ECE1: variants seen among roughly 807,000 people sequenced by gnomAD.
The protein encoded by ECE1 is endothelin-converting enzyme 1.
ECE1 carries 35 observed loss-of-function variants against 98.6 expected under a neutral mutation model. The ratio of observed to expected loss-of-function variants is 0.35; its 90% CI spans 0.27 to 0.47. The LOEUF (loss-of-function observed/expected upper bound fraction) is 0.47, where lower values mean the gene tolerates loss of function less well. ECE1 is among the 20% of genes least tolerant of loss of function. The pLI, the probability that ECE1 is intolerant of heterozygous loss-of-function variation, is 1.00. For synonymous variants in ECE1, 394 were observed against 407.1 expected (o/e 0.97, Z 0.39); for missense variants, 814 against 1,025.3 (o/e 0.79, Z 2.81).
Position 21,322,907 on chromosome 1 carries a change from G to A in ECE1, c.3+22469C>T, listed in dbSNP as rs1638995268. Among the ~76,000 whole-genome samples the A allele has an allele frequency of 6.6e-6, 1 of 152,180 alleles. No homozygotes were observed. Among genetic ancestry groups the A allele is most frequent in the African/African-American group, 2.4e-5 (1 of 41,448 alleles). ...AAACCCCTCACTGGGGCTTTGGAGG[G>A]AGGGCAGGTCCCAGGGCTCAGGGGT... On this transcript the variant is annotated intron_variant, in intron 1 of 18. Coordinates refer to the ECE1 transcript ENST00000415912. The surrounding 1 kb of genome is among the most constrained non-coding windows in gnomAD (Gnocchi z 4.1).
At position 21,309,160 on chromosome 1, in the gene ECE1, C is replaced by G. The variant is rs1289299282; in HGVS notation, c.4-19004G>C. ...GGTTCCAGAGTTCTAGGGCCACATC[C>G]CAGACACAGGCACTGCAGTCTTGTC... On this transcript the variant is annotated intron_variant, in intron 1 of 18. Transcript: ENST00000415912. Among the ~76,000 whole-genome samples the G allele has an allele frequency of 1.3e-5, 2 of 152,174 alleles. 1 individual carries two copies. Among genetic ancestry groups the G allele is most frequent in the East Asian group, 3.8e-4 (2 of 5,196 alleles).
At chr1:21,344,607 A>G (rs1424292817) in intron 1 of ECE1, among the ~76,000 whole-genome samples, 4 of 151,128 alleles carry the variant, frequency 2.6e-5, no homozygotes, top group Non-Finnish European at 5.9e-5. Context: ...GATCAAATGG[A>G]TTTCTCTTCT....
At chr1:21,246,711 C>T (rs1386779437) in intron 9 of ECE1, among the ~76,000 whole-genome samples, 1 of 152,098 alleles carries the variant, frequency 6.6e-6, no homozygotes, top group Non-Finnish European at 1.5e-5. Flanking sequence ...CGCTGGAGTG[C>T]AACAGTGCAA....
chr1:21,312,229 G>A (rs1297237728), intron 1 of ECE1, among the ~76,000 whole-genome samples: 1 of 151,136 alleles, frequency 6.6e-6, no homozygotes, highest in African/African-American at 2.4e-5. Context: ...CTTGAGCTCA[G>A]GAGTTCAAGA....
upstream of ECE1, chr1:21,294,016 C>T (rs190208776): frequency 1.1e-4 from 17 of 152,628 alleles, no homozygotes; most frequent in African/African-American, 3.8e-4. This position sits in a 1 kb window ranked among gnomAD's most constrained non-coding sequence, Gnocchi z 4.2. Flanking sequence ...GGACCTCCCC[C>T]CAGCCCTGAG....
intron 14 of ECE1, among the ~76,000 whole-genome samples, chr1:21,229,217 T>C (rs1460392232): frequency 6.6e-6 from 1 of 151,992 alleles, no homozygotes; most frequent in Non-Finnish European, 1.5e-5. Context: ...AAGATCTTGT[T>C]GTGACACCCA....
intron 1 of ECE1, among the ~76,000 whole-genome samples, chr1:21,328,592 T>C (rs61781576): frequency 0.072 from 10,935 of 151,952 alleles, 536 homozygotes; most frequent in Middle Eastern, 0.11. Context: ...TGAAACCATG[T>C]CTCTACTAAG....
intron 1 of ECE1, among the ~76,000 whole-genome samples, chr1:21,302,301 C>A (rs1638502604): frequency 6.6e-6 from 1 of 152,194 alleles, no homozygotes; most frequent in Non-Finnish European, 1.5e-5. Context: ...TGCTGTGCAC[C>A]AGGGTGGTGC....
At chr1:21,272,576 G>T in intron 4 of ECE1, 123 bp downstream of exon 4, 1 of 1,197,350 alleles carries the variant, frequency 8.4e-7, no homozygotes, top group Non-Finnish European at 1.2e-6. Flanking sequence ...ACAGGTGTGA[G>T]CCACCGTGCC....
At position 21,220,153 on chromosome 1, in the gene ECE1, A is replaced by C. The variant is rs2098165578; in HGVS notation, c.2137-22T>G. 1 of 1,600,324 alleles carries C rather than the reference A, an allele frequency of 6.2e-7. No individual in the cohort carries two copies. Among genetic ancestry groups the C allele is most frequent in the Non-Finnish European group, 8.5e-7 (1 of 1,171,310 alleles). On this transcript the variant is annotated intron_variant, in intron 18 of 18. Coordinates refer to ENST00000374893, the MANE Select transcript of ECE1 (RefSeq NM_001397.3). This position sits in a 1 kb window ranked among gnomAD's most constrained non-coding sequence, Gnocchi z 5.0. ...AGACCTTTGAAGGGGCAACAGGGAG[A>C]GGCCAGGGTCACTGTGGGGCCCTCG... is the stretch of plus-strand genomic sequence containing the variant.
intron 3 of ECE1, 45 bp downstream of exon 3, chr1:21,279,146 G>T: frequency 6.2e-7 from 1 of 1,613,916 alleles, no homozygotes; most frequent in Non-Finnish European, 8.5e-7. Flanking sequence ...ACGGAGCCGG[G>T]TGCAGGAGTG....
rs570163517 is a variant in ECE1 at position 21,220,594 on chromosome 1, C to T, written c.2137-463G>A. The stretch of plus-strand genomic sequence containing the variant: ...GGTGGATCACTTGAGGCCAGGAGTT[C>T]GAGACCGGCCTGACAAACATGGTGA... On this transcript the variant is annotated intron_variant, in intron 18 of 18. Transcript: ENST00000374893. The surrounding 1 kb of genome is among the most constrained non-coding windows in gnomAD (Gnocchi z 5.0). Among the ~76,000 whole-genome samples the T allele has an allele frequency of 1.4e-4, 21 of 152,166 alleles. No homozygotes were observed. The highest frequency in any genetic ancestry group is 1.9e-4 in the East Asian group (1 of 5,162).
upstream of ECE1, among the ~76,000 whole-genome samples, chr1:21,293,054 T>C (rs213048): frequency 0.41 from 61,805 of 152,112 alleles, 14,962 homozygotes; most frequent in African/African-American, 0.69. Context: ...CCCCGGGGCA[T>C]GTGGGTGGTG....
At chr1:21,265,719 C>T (rs1378486801) in intron 4 of ECE1, among the ~76,000 whole-genome samples, 2 of 152,156 alleles carry the variant, frequency 1.3e-5, no homozygotes, top group East Asian at 3.9e-4. Context: ...GGGGCTGTCA[C>T]TCTGAGTTCA....
chr1:21,334,167 T>A (rs548653956), intron 1 of ECE1, among the ~76,000 whole-genome samples: 3 of 152,124 alleles, frequency 2.0e-5, no homozygotes, highest in Non-Finnish European at 4.4e-5. Flanking sequence ...AAGTCCTGCC[T>A]CTAACCTGCT....
At chr1:21,301,366 C>T (rs569080009) in intron 1 of ECE1, among the ~76,000 whole-genome samples, 3 of 152,158 alleles carry the variant, frequency 2.0e-5, no homozygotes, top group Non-Finnish European at 4.4e-5. Flanking sequence ...AGGTGGCGGG[C>T]GCCTGTAGTC....
chr1:21,318,376 A>G (rs994982767), intron 1 of ECE1, among the ~76,000 whole-genome samples: 1 of 152,034 alleles, frequency 6.6e-6, no homozygotes, highest in Non-Finnish European at 1.5e-5. Context: ...GTCATGACGC[A>G]GTTGGGGAAC....
At chr1:21,261,030 G>A (rs142214282) in intron 4 of ECE1, among the ~76,000 whole-genome samples, 1 of 152,144 alleles carries the variant, frequency 6.6e-6, no homozygotes, top group Non-Finnish European at 1.5e-5. Context: ...CCTCACCTCA[G>A]TGCCCTGGTC....
intron 1 of ECE1, among the ~76,000 whole-genome samples, chr1:21,306,923 G>C (rs770555808): frequency 6.6e-6 from 1 of 152,140 alleles, no homozygotes; most frequent in Non-Finnish European, 1.5e-5. Flanking sequence ...TGGACATGCT[G>C]AGTCAGGGAC....
Sources: allele counts gnomAD v4.1 joint callset (sites outside exome capture counted in the v4.1 genomes callset), GRCh38; gene constraint gnomAD v4.1.1; non-coding constraint Gnocchi (gnomAD v3.1); transcripts MANE v1.5; gene names NCBI Gene and HGNC (gene_info 2026-07-23, HGNC 2026-07-21).